The following KIF1A variants were observed in gnomAD, a reference collection of about 807,000 sequenced individuals.
KIF1A encodes the protein kinesin-like protein KIF1A.
KIF1A carries 46 observed loss-of-function variants against 227.3 expected under a neutral mutation model. That is an observed-to-expected ratio of 0.20 (90% confidence interval 0.16 to 0.26). The LOEUF is 0.26. KIF1A is among the 10% of genes least tolerant of loss of function. The probability of loss-of-function intolerance (pLI) is 1.00; values close to 1 mark genes in which losing one functional copy is unlikely to be tolerated. For missense variants in KIF1A, 1,683 were observed against 2,485.9 expected, an observed-to-expected ratio of 0.68 and a Z score of 6.87; for synonymous variants, 1,022 against 1,012.8, an observed-to-expected ratio of 1.01 and a Z score of -0.17.
chr2:240,764,488 A>T (rs2050904300), intron 20 of KIF1A, among the ~76,000 whole-genome samples: 3 of 151,828 alleles, frequency 2.0e-5, no homozygotes, highest in Non-Finnish European at 4.4e-5. Flanking sequence ...CTGCCCAGGG[A>T]CCCCACAGGC....
rs1226533531 is a variant in KIF1A, at chr2:240,778,217, CCCA to C, written c.883-2294_883-2292del. On this transcript the variant is annotated intron_variant, in intron 10 of 48. Coordinates refer to ENST00000498729, the MANE Select transcript of KIF1A (RefSeq NM_001244008.2). This position sits in a 1 kb window ranked among gnomAD's most constrained non-coding sequence, Gnocchi z 7.2. ...CCGGTCACACCATTCATCAAGTTTC[CCCA>C]CAAGTTCCACACGCAATTCTGTCAC... 3.3e-5 allele frequency among the ~76,000 whole-genome samples: 5 copies of C among 152,120 alleles called. No homozygotes were observed. Among genetic ancestry groups the C allele is most frequent in the African/African-American group, 1.2e-4 (5 of 41,404 alleles).
At chr2:240,786,722 G>GTGA (rs2054870417) in intron 5 of KIF1A, among the ~76,000 whole-genome samples, 3 of 90,926 alleles carry the variant, frequency 3.3e-5, no homozygotes, top group East Asian at 2.9e-4. Context: ...CCCTGAGTGA[G>GTGA]GGGGTGGGGG....
rs2054294951 is a variant in KIF1A, at chr2:240,783,210, G to A, written c.799-101C>T. ...TGGACCTGTGCAGTGTGGAGTGGAG[G>A]CCACCACTGCAGCTGCTGATCTCTG... On this transcript the variant is annotated intron_variant, in intron 8 of 48. Transcript: ENST00000498729. 8.9e-6 allele frequency: 8 copies of A among 902,136 alleles called. No homozygotes were observed. In the South Asian group the frequency reaches 1.1e-4, roughly 12 times the overall value. 55.9% of individuals were successfully genotyped at this position (902,136 alleles called of 1,614,324 possible).
intron 1 of KIF1A, among the ~76,000 whole-genome samples, chr2:240,819,674 C>G (rs1333778337): frequency 1.3e-5 from 2 of 152,044 alleles, no homozygotes; most frequent in South Asian, 2.1e-4. Context: ...TCCTCAGCCC[C>G]GCTCACCATC....
chr2:240,798,019 G>A (rs1271400672), intron 1 of KIF1A: 4 of 380,054 alleles, frequency 1.1e-5, no homozygotes, highest in East Asian at 4.4e-5. Context: ...ACCCAGCTTC[G>A]CAAGCCTGAG....
intron 1 of KIF1A, among the ~76,000 whole-genome samples, chr2:240,807,250 A>G (rs1482621952): frequency 1.3e-5 from 2 of 151,766 alleles, no homozygotes; most frequent in Non-Finnish European, 2.9e-5. Context: ...GGTTCAAGCG[A>G]TTCTCCTGCC....
At chr2:240,796,874 T>C (rs769786724) in intron 2 of KIF1A, among the ~76,000 whole-genome samples, 7 of 151,220 alleles carry the variant, frequency 4.6e-5, no homozygotes, top group African/African-American at 1.2e-4. Flanking sequence ...GAAGCTTCCA[T>C]GGGACCTGAG....
intron 38 of KIF1A, chr2:240,728,396 C>A (rs1270739908): frequency 1.5e-6 from 2 of 1,302,610 alleles, no homozygotes; most frequent in South Asian, 1.2e-5. Context: ...TACCTAGTGT[C>A]ATTTCCCAAT....
At chr2:240,735,384 C>G (rs1428674187) in intron 38 of KIF1A, among the ~76,000 whole-genome samples, 1 of 108,916 alleles carries the variant, frequency 9.2e-6, no homozygotes, top group East Asian at 2.5e-4. Flanking sequence ...TGAGGTCCAG[C>G]CATGAGCCGC....
chr2:240,746,741 A>G (rs1229765401), intron 29 of KIF1A, among the ~76,000 whole-genome samples: 2 of 152,106 alleles, frequency 1.3e-5, no homozygotes, highest in East Asian at 3.9e-4. Context: ...CTCTCTCAAG[A>G]GCAGAAGAGG....
chr2:240,759,589 G>T lies in KIF1A; in HGVS notation c.2444+1076C>A, dbSNP rs548224541. ...CCCCTACTCCTACTCCTCTCTGCCT[G>T]GTGCCTCCCCCTGTAGCCCTGCAGG... is the stretch of plus-strand genomic sequence containing the variant. On this transcript the variant is annotated intron_variant, in intron 25 of 48. Transcript: ENST00000498729. Among the ~76,000 whole-genome samples the T allele has an allele frequency of 4.6e-4, 26 of 56,412 alleles. 1 individual carries two copies. Among genetic ancestry groups the T allele is most frequent in the Admixed American group, 3.6e-3 (25 of 6,916 alleles). 37.0% of individuals were successfully genotyped at this position (56,412 alleles called of 152,430 possible). A position where few individuals can be genotyped will look rare whatever the true frequency, so the allele number is the denominator to read the frequency against.
Position 240,752,501 on chromosome 2 carries a change from G to C in KIF1A, c.2859-1954C>G, listed in dbSNP as rs530809734. On this transcript the variant is annotated intron_variant, in intron 27 of 48. Coordinates refer to ENST00000498729, the MANE Select transcript of KIF1A (RefSeq NM_001244008.2). The surrounding 1 kb of genome is among the most constrained non-coding windows in gnomAD (Gnocchi z 6.4). Reference sequence around the variant, plus strand: ...GACAAGGGTCTCTGCTTGACAGTGGGGGTGGGAAAAGGGGCTGCTACAAAC... The same window carrying C: ...GACAAGGGTCTCTGCTTGACAGTGGCGGTGGGAAAAGGGGCTGCTACAAAC... Among the ~76,000 whole-genome samples, 3 of 152,060 alleles carry C rather than the reference G, an allele frequency of 2.0e-5. No individual in the cohort carries two copies. The East Asian group carries it at 5.8e-4, about 29-fold the overall frequency.
rs375263908 is a variant in KIF1A at position 240,761,410 on chromosome 2, G to A, written c.2117-33C>T. ...GAGAGGTCACACGTGGTCATCGCAGGAAGGCCATGACCCTGCCCACCATGC... is the reference window on the plus strand; with the variant it reads ...GAGAGGTCACACGTGGTCATCGCAGAAAGGCCATGACCCTGCCCACCATGC... On this transcript the variant is annotated intron_variant, in intron 23 of 48. Transcript: ENST00000498729. The A allele has an allele frequency of 1.1e-5, 17 of 1,545,590 alleles. No homozygotes were observed. In the South Asian group the frequency reaches 1.7e-4, roughly 16 times the overall value.
rs10933635 is a variant in KIF1A at position 240,719,598 on chromosome 2, T to C, written c.5021+176A>G. ...TGCCTGACCTCCCAGCATGGAGCTG[T>C]CCCTCCATGTGGGTCAGGGGCAGCC... is the stretch of plus-strand genomic sequence containing the variant. On this transcript the variant is annotated intron_variant, in intron 46 of 48. Coordinates refer to ENST00000498729, the MANE Select transcript of KIF1A (RefSeq NM_001244008.2). Among the ~76,000 whole-genome samples the C allele has an allele frequency of 0.35, 53,126 of 152,042 alleles. 10,047 individuals are homozygous for C. The highest frequency in any genetic ancestry group is 0.48 in the African/African-American group (19,923 of 41,442).
At chr2:240,797,316 G>A (rs1041193039) in intron 2 of KIF1A, among the ~76,000 whole-genome samples, 3 of 152,294 alleles carry the variant, frequency 2.0e-5, no homozygotes, top group Non-Finnish European at 4.4e-5. Flanking sequence ...CTAGAGCAAC[G>A]CTGCTGCAAG....
In KIF1A at chr2:240,763,154, C is replaced by T; in HGVS notation, c.1949+12G>A. Reference sequence around the variant, plus strand: ...AGGGGCAGCAGGCAGTTGGGGGTGGCCTCCGCCTCACCTCTGCTCCATCTC... The same window carrying T: ...AGGGGCAGCAGGCAGTTGGGGGTGGTCTCCGCCTCACCTCTGCTCCATCTC... On this transcript the variant is annotated intron_variant, in intron 21 of 48. Coordinates refer to ENST00000498729, the MANE Select transcript of KIF1A (RefSeq NM_001244008.2). 1 of 1,607,394 alleles carries T rather than the reference C, an allele frequency of 6.2e-7. No individual in the cohort carries two copies. The highest frequency in any genetic ancestry group is 1.3e-5 in the African/African-American group (1 of 75,036).
At chr2:240,786,811 GACCCC>G (rs1235069335) in intron 5 of KIF1A, among the ~76,000 whole-genome samples, 1 of 147,444 alleles carries the variant, frequency 6.8e-6, no homozygotes, top group African/African-American at 2.7e-5. Flanking sequence ...CTGCCATCAG[GACCCC>G]TGAGTGAGAG....
chr2:240,797,562 G>T, intron 2 of KIF1A, 85 bp downstream of exon 2: 2 of 937,122 alleles, frequency 2.1e-6, no homozygotes, highest in South Asian at 2.8e-5. Flanking sequence ...GGGCCAGGTT[G>T]ACTGCTGAGC....
At position 240,726,538 on chromosome 2, in the gene KIF1A, G is replaced by A. The variant is rs1181090015; in HGVS notation, c.4122+288C>T. Among the ~76,000 whole-genome samples the A allele has an allele frequency of 1.3e-5, 2 of 152,162 alleles. No individual in the cohort carries two copies. Among genetic ancestry groups the A allele is most frequent in the African/African-American group, 4.8e-5 (2 of 41,426 alleles). On this transcript the variant is annotated intron_variant, in intron 39 of 48. Transcript: ENST00000498729. This position sits in a 1 kb window ranked among gnomAD's most constrained non-coding sequence, Gnocchi z 5.2. ...AGGCAGGAGAATCGCTTGAGCCTGGGAAGCGGAGGTTGCAGTGAGACTGCG... is the reference window on the plus strand; with the variant it reads ...AGGCAGGAGAATCGCTTGAGCCTGGAAAGCGGAGGTTGCAGTGAGACTGCG...
Sources: gnomAD v4.1 joint callset for allele counts (sites outside exome capture counted in the v4.1 genomes callset) on GRCh38, gnomAD v4.1.1 for gene constraint, Gnocchi (gnomAD v3.1) non-coding constraint, MANE v1.5 for transcripts, NCBI Gene and HGNC (gene_info 2026-07-23, HGNC 2026-07-21) for gene names.